ABCE1: variants seen among roughly 807,000 people sequenced by gnomAD.
ABCE1 encodes the protein ATP-binding cassette sub-family E member 1.
Under a neutral mutation model 83.4 loss-of-function variants are expected in ABCE1, and 22 were observed. The observed-to-expected ratio is 0.26, with a 90% CI of 0.19 to 0.38. ABCE1 has a LOEUF of 0.38. Among genes scored for constraint, ABCE1 ranks in the 10% least tolerant of loss-of-function variants. The pLI is 1.00. For missense variants in ABCE1, 330 were observed against 721.9 expected (o/e 0.46, Z 6.22); for synonymous variants, 204 against 233.7 (o/e 0.87, Z 1.16).
intron 11 of ABCE1, 83 bp from the exon 12 acceptor site, chr4:145,121,091 C>T (rs1004797629): frequency 7.3e-7 from 1 of 1,364,932 alleles, no homozygotes; most frequent in Non-Finnish European, 1.0e-6. Flanking sequence ...ACAAATTTCT[C>T]AGTTAAAACC....
intron 16 of ABCE1, 54 bp from the exon 17 acceptor site, chr4:145,124,936 A>G (rs1336353179): frequency 1.6e-6 from 2 of 1,240,000 alleles, no homozygotes; most frequent in Non-Finnish European, 2.3e-6. Context: ...CTCAAAAGGT[A>G]GTTACATTTC....
intron 4 of ABCE1, 25 bp downstream of exon 4, chr4:145,108,137 CTT>C (rs771606863): frequency 6.3e-7 from 1 of 1,592,684 alleles, no homozygotes; most frequent in Non-Finnish European, 8.6e-7. Context: ...CAGGATTCCT[CTT>C]CTGTCAAGTT....
chr4:145,128,229 A>C lies in ABCE1; in HGVS notation c.*656A>C, dbSNP rs1749946276. 6.6e-6 allele frequency: 1 copy of C among 152,584 alleles called. No homozygotes were observed. The highest frequency in any genetic ancestry group is 1.5e-5 in the Non-Finnish European group (1 of 68,028). 9.5% of individuals were successfully genotyped at this position (152,584 alleles called of 1,614,324 possible). A position where few individuals can be genotyped will look rare whatever the true frequency, so the allele number is the denominator to read the frequency against. On this transcript the variant is annotated 3_prime_UTR_variant, in exon 18 of 18. Transcript: ENST00000296577. ...GTTCCATTCCCCGCAAAAAACCCCTAACTTTACTCTGAACTTTTTTTGTTT... is the reference window on the plus strand; with the variant it reads ...GTTCCATTCCCCGCAAAAAACCCCTCACTTTACTCTGAACTTTTTTTGTTT...
chr4:145,121,305 G>T (rs776287411), intron 12 of ABCE1, 28 bp from the exon 13 acceptor site: 8 of 1,612,314 alleles, frequency 5.0e-6, no homozygotes, highest in Non-Finnish European at 5.9e-6. Flanking sequence ...GCAGTTTTTA[G>T]TGTCTTATGT....
At chr4:145,112,178 T>G (rs149383014) in intron 8 of ABCE1, 61 bp from the exon 9 acceptor site, 20 of 1,208,052 alleles carry the variant, frequency 1.7e-5, no homozygotes, top group African/African-American at 1.2e-4. Flanking sequence ...TAAAATAGTA[T>G]GTAAGGTAGA....
At chr4:145,121,476 T>C in intron 13 of ABCE1, 85 bp downstream of exon 13, 1 of 1,031,762 alleles carries the variant, frequency 9.7e-7, no homozygotes. Flanking sequence ...TTAAAATTTT[T>C]CTCCAAATTA....
intron 4 of ABCE1, 145 bp from the exon 5 acceptor site, chr4:145,108,987 T>C: frequency 1.7e-6 from 1 of 574,752 alleles, no homozygotes; most frequent in South Asian, 2.7e-5. Flanking sequence ...TTTTTCCTAA[T>C]AGCCAGTAAT....
rs767076241 is a variant in ABCE1 at position 145,127,589 on chromosome 4, A to G, written c.*16A>G. 6.5e-7 allele frequency: 1 copy of G among 1,536,822 alleles called. No individual in the cohort carries two copies. The highest frequency in any genetic ancestry group is 2.4e-5 in the Admixed American group (1 of 41,498). ...GGATGATTAGACTGACTCTGAGAATATTGATAAGCCATTTATTAAAAGGAG... is the reference window on the plus strand; with the variant it reads ...GGATGATTAGACTGACTCTGAGAATGTTGATAAGCCATTTATTAAAAGGAG... On this transcript the variant is annotated 3_prime_UTR_variant, in exon 18 of 18. Transcript: ENST00000296577.
intron 2 of ABCE1, among the ~76,000 whole-genome samples, chr4:145,105,006 T>C (rs546159345): frequency 5.3e-5 from 8 of 152,176 alleles, no homozygotes; most frequent in African/African-American, 1.9e-4. Context: ...TGGTAGTCGT[T>C]AAGGGCTATG....
chr4:145,103,372 G>T (rs984974299), intron 1 of ABCE1, among the ~76,000 whole-genome samples: 4 of 152,038 alleles, frequency 2.6e-5, no homozygotes, highest in African/African-American at 9.7e-5. Context: ...GAGTATTAAG[G>T]CACCTTTTGG....
At chr4:145,124,234 C>A (rs1425280013) in intron 16 of ABCE1, among the ~76,000 whole-genome samples, 1 of 152,138 alleles carries the variant, frequency 6.6e-6, no homozygotes, top group African/African-American at 2.4e-5. Flanking sequence ...ACCTATAAAA[C>A]CAGCAGTTTC....
At chr4:145,103,557 G>T (rs1749212756) in intron 1 of ABCE1, among the ~76,000 whole-genome samples, 1 of 152,058 alleles carries the variant, frequency 6.6e-6, no homozygotes, top group Admixed American at 6.6e-5. Flanking sequence ...TAGTTATTTG[G>T]TCTCCTTTTA....
chr4:145,110,664 A>G lies in ABCE1; in HGVS notation c.613+220A>G, dbSNP rs1162039815. On this transcript the variant is annotated intron_variant, in intron 7 of 17. Transcript: ENST00000296577. The stretch of plus-strand genomic sequence containing the variant: ...CTAATTTTTTGTATTTTTAGTAGAG[A>G]CCGGGTTTCTCCATGTCAGTCAGGC... Among the ~76,000 whole-genome samples the G allele has an allele frequency of 4.0e-5, 6 of 151,802 alleles. No individual in the cohort carries two copies. The East Asian group carries it at 1.2e-3, about 29-fold the overall frequency.
rs1207786574 is a variant in ABCE1 at position 145,128,902 on chromosome 4, T to C, written c.*1329T>C. ...AATTTCAGTAACCCATAAATACATG[T>C]TGTAAAAAATTCAAATATACAGAAT... On this transcript the variant is annotated 3_prime_UTR_variant, in exon 18 of 18. Transcript: ENST00000296577. The C allele has an allele frequency of 6.6e-6, 1 of 152,218 alleles. No homozygotes were observed. Among genetic ancestry groups the C allele is most frequent in the African/African-American group, 2.4e-5 (1 of 41,458 alleles). The allele number at this position is 152,218 out of a possible 1,614,324, so 9.4% of individuals were successfully genotyped here.
intron 1 of ABCE1, among the ~76,000 whole-genome samples, chr4:145,103,980 A>G (rs2126699158): frequency 6.6e-6 from 1 of 152,090 alleles, no homozygotes; most frequent in South Asian, 2.1e-4. Flanking sequence ...TAAATTCAGG[A>G]AGGGTTTAAA....
At chr4:145,119,335 G>T (rs888004133) in intron 10 of ABCE1, among the ~76,000 whole-genome samples, 2 of 151,532 alleles carry the variant, frequency 1.3e-5, no homozygotes, top group African/African-American at 4.8e-5. Context: ...ATTACAGAGG[G>T]TTCTTGTATA....
At position 145,122,823 on chromosome 4, in the gene ABCE1, T is replaced by A. The variant is rs867254938; in HGVS notation, c.1264-198T>A. Reference sequence around the variant, plus strand: ...CCCTGTCTCAAAAGAAAAAAAAAAATTCCTTTTTACTTGTTGGACATGATG... The same window carrying A: ...CCCTGTCTCAAAAGAAAAAAAAAAAATCCTTTTTACTTGTTGGACATGATG... On this transcript the variant is annotated intron_variant, in intron 13 of 17. Transcript: ENST00000296577. 15 of 465,340 alleles carry A rather than the reference T, an allele frequency of 3.2e-5. 1 individual carries two copies. Among genetic ancestry groups the A allele is most frequent in the Middle Eastern group, 5.8e-4 (1 of 1,714 alleles). 28.8% of individuals were successfully genotyped at this position (465,340 alleles called of 1,614,324 possible).
intron 1 of ABCE1, among the ~76,000 whole-genome samples, chr4:145,102,118 A>G (rs1159491441): frequency 2.6e-5 from 4 of 152,130 alleles, no homozygotes; most frequent in Non-Finnish European, 5.9e-5. Flanking sequence ...ATCTAGTAGG[A>G]AAAGTGTTTA....
intron 11 of ABCE1, 107 bp from the exon 12 acceptor site, chr4:145,121,067 T>C: frequency 1.0e-6 from 1 of 997,888 alleles, no homozygotes; most frequent in South Asian, 1.4e-5. Context: ...ATAATGTCAG[T>C]GTATATCTTT....
Sources: allele counts gnomAD v4.1 joint callset (sites outside exome capture counted in the v4.1 genomes callset), GRCh38; gene constraint gnomAD v4.1.1; transcripts MANE v1.5; gene names NCBI Gene and HGNC (gene_info 2026-07-23, HGNC 2026-07-21).